The following ASIC2 variants were observed in gnomAD, a reference collection of about 807,000 sequenced individuals.
ASIC2 encodes the protein acid sensing ion channel subunit 2.
ASIC2 carries 25 observed loss-of-function variants against 57.3 expected under a neutral mutation model. That is an observed-to-expected ratio of 0.44 (90% CI 0.32 to 0.61). ASIC2 has a LOEUF of 0.61. Ranked by LOEUF, ASIC2 falls within the 20% of genes least tolerant of loss-of-function variation. The pLI, the probability that ASIC2 is intolerant of heterozygous loss-of-function variation, is 0.06. For missense variants in ASIC2, 641 were observed against 738.1 expected (o/e 0.87, Z 1.52); for synonymous variants, 319 against 307.5 (o/e 1.04, Z -0.39).
intron 1 of ASIC2, chr17:33,793,320 T>C (rs1158423065): frequency 6.6e-6 from 1 of 152,250 alleles, no homozygotes; most frequent in Non-Finnish European, 1.5e-5. Flanking sequence ...TGTTATTTTA[T>C]CTTATCCTCA....
At chr17:34,025,697 C>G (rs1272268586) in intron 1 of ASIC2, among the ~76,000 whole-genome samples, 1 of 152,216 alleles carries the variant, frequency 6.6e-6, no homozygotes, top group Admixed American at 6.5e-5. Flanking sequence ...AGTTTTAGGT[C>G]TGACTTACTA....
At chr17:33,889,812 G>A (rs969935640) in intron 1 of ASIC2, among the ~76,000 whole-genome samples, 7 of 152,188 alleles carry the variant, frequency 4.6e-5, no homozygotes, top group African/African-American at 1.4e-4. Flanking sequence ...GCCAGGTGCT[G>A]GGCTAGACCC....
At chr17:33,800,391 C>A (rs776800211) in intron 1 of ASIC2, among the ~76,000 whole-genome samples, 1 of 152,164 alleles carries the variant, frequency 6.6e-6, no homozygotes, top group Non-Finnish European at 1.5e-5. Flanking sequence ...AGTTTCTGTG[C>A]TTTTACCTTG....
At chr17:34,021,517 C>T (rs976131368) in intron 1 of ASIC2, among the ~76,000 whole-genome samples, 1 of 152,200 alleles carries the variant, frequency 6.6e-6, no homozygotes, top group Non-Finnish European at 1.5e-5. Context: ...TGAGTTTAGT[C>T]TTGCCAGTGA....
At chr17:33,125,244 A>G (rs2092318739) in intron 1 of ASIC2, among the ~76,000 whole-genome samples, 1 of 152,238 alleles carries the variant, frequency 6.6e-6, no homozygotes, top group Non-Finnish European at 1.5e-5. Flanking sequence ...GGTATCTTGC[A>G]TATTTGACAA....
intron 1 of ASIC2, chr17:34,118,206 T>G (rs1442841454): frequency 6.6e-6 from 1 of 152,208 alleles, no homozygotes; most frequent in African/African-American, 2.4e-5. Context: ...TCAGTTTTCT[T>G]ATCTATAAAG....
intron 1 of ASIC2, among the ~76,000 whole-genome samples, chr17:33,236,954 GT>G (rs1343720772): frequency 6.6e-6 from 1 of 152,160 alleles, no homozygotes; most frequent in Non-Finnish European, 1.5e-5. Context: ...AATTTCTGTT[GT>G]TTGAAGCCAC....
chr17:33,498,598 A>ACGGAGCTGCT (rs771205533), intron 1 of ASIC2, among the ~76,000 whole-genome samples: 1 of 151,878 alleles, frequency 6.6e-6, no homozygotes, highest in Admixed American at 6.5e-5. Flanking sequence ...GCTTGAATGC[A>ACGGAGCTGCT]CGGAGCTGCT....
At position 34,156,318 on chromosome 17, in the gene ASIC2, T is replaced by A. The variant is rs1280581764; in HGVS notation, c.215A>T (p.His72Leu). The A allele has an allele frequency of 1.2e-6, 2 of 1,614,182 alleles. No individual in the cohort carries two copies. Among genetic ancestry groups the A allele is most frequent in the Admixed American group, 3.3e-5 (2 of 60,022 alleles). Residue 72 changes from histidine (H) to leucine (L), a missense_variant, in exon 1 of 10, where the codon CAT becomes CTT. Transcript: ENST00000359872. The surrounding 1 kb of genome is among the most constrained non-coding windows in gnomAD (Gnocchi z 4.4). ...CACCACTTCGTCCACCTTAGTGACA[T>A]GCTGGTAGGAGAAGTAGTAGGACAC...
chr17:33,542,919 A>G (rs948501388), intron 1 of ASIC2, among the ~76,000 whole-genome samples: 15 of 152,194 alleles, frequency 9.9e-5, no homozygotes, highest in African/African-American at 3.4e-4. Context: ...GAATTAAGAA[A>G]ATGTGGCACA....
At chr17:34,084,718 T>C (rs1368690843) in intron 1 of ASIC2, among the ~76,000 whole-genome samples, 1 of 152,232 alleles carries the variant, frequency 6.6e-6, no homozygotes, top group Non-Finnish European at 1.5e-5. Context: ...TTTATTTCAT[T>C]GAGCAGTGGT....
At chr17:33,100,986 T>A (rs763406938) in intron 2 of ASIC2, among the ~76,000 whole-genome samples, 1 of 152,244 alleles carries the variant, frequency 6.6e-6, no homozygotes, top group Non-Finnish European at 1.5e-5. Flanking sequence ...TGTTTCTGAT[T>A]TATGGCATCA....
intron 1 of ASIC2, among the ~76,000 whole-genome samples, chr17:33,230,488 CAAGTGGTG>C (rs1218345866): frequency 6.6e-6 from 1 of 152,204 alleles, no homozygotes; most frequent in Non-Finnish European, 1.5e-5. Context: ...GAACCAGAGG[CAAGTGGTG>C]TGAAGGTACA....
intron 1 of ASIC2, among the ~76,000 whole-genome samples, chr17:34,099,343 G>A (rs1306690115): frequency 7.1e-6 from 1 of 141,530 alleles, no homozygotes; most frequent in Non-Finnish European, 1.5e-5. Flanking sequence ...GGGAAGAGAG[G>A]GAGGGAGGAA....
intron 1 of ASIC2, among the ~76,000 whole-genome samples, chr17:34,122,799 T>G (rs992888516): frequency 1.3e-5 from 2 of 152,122 alleles, no homozygotes; most frequent in African/African-American, 2.4e-5. Flanking sequence ...CAGGGAGAGA[T>G]AAATCAATTT....
chr17:33,704,320 A>G (rs1297142150), intron 1 of ASIC2, among the ~76,000 whole-genome samples: 1 of 152,222 alleles, frequency 6.6e-6, no homozygotes, highest in African/African-American at 2.4e-5. Flanking sequence ...AAGCATGTAT[A>G]GCTACTGCAC....
At chr17:33,537,558 T>C (rs999797091) in intron 1 of ASIC2, among the ~76,000 whole-genome samples, 1 of 152,226 alleles carries the variant, frequency 6.6e-6, no homozygotes, top group Non-Finnish European at 1.5e-5. Context: ...CACCAGAAGA[T>C]GCTCAATATG....
chr17:33,706,919 C>T (rs1300857764), intron 1 of ASIC2, among the ~76,000 whole-genome samples: 2 of 152,184 alleles, frequency 1.3e-5, no homozygotes, highest in Admixed American at 6.5e-5. Context: ...TCTTCTGTCT[C>T]TCTTTCTTCG....
intron 1 of ASIC2, among the ~76,000 whole-genome samples, chr17:33,374,550 C>T (rs1037594691): frequency 1.3e-4 from 20 of 152,184 alleles, no homozygotes; most frequent in African/African-American, 4.8e-4. Context: ...GTAATAACTC[C>T]CTGTCCTACA....
Sources: gnomAD v4.1 joint callset for allele counts (sites outside exome capture counted in the v4.1 genomes callset) on GRCh38, gnomAD v4.1.1 for gene constraint, Gnocchi (gnomAD v3.1) non-coding constraint, MANE v1.5 for transcripts, NCBI Gene and HGNC (gene_info 2026-07-23, HGNC 2026-07-21) for gene names.